Variants in PTPRD observed in about 807,000 individuals in gnomAD.
The protein encoded by PTPRD is protein tyrosine phosphatase receptor type D, also known as receptor-type tyrosine-protein phosphatase delta.
PTPRD carries 34 observed loss-of-function variants against 214.5 expected under a neutral mutation model. That is an observed-to-expected ratio of 0.16 (90% confidence interval 0.12 to 0.21). PTPRD has a LOEUF of 0.21. PTPRD is among the 10% of genes least tolerant of loss of function. The pLI, the probability that PTPRD is intolerant of heterozygous loss-of-function variation, is 1.00. For missense variants in PTPRD, 2,545 were observed against 2,398.7 expected, an observed-to-expected ratio of 1.06 and a Z score of -1.27; for synonymous variants, 1,128 against 845.7, an observed-to-expected ratio of 1.33 and a Z score of -5.79.
In PTPRD at chr9:9,390,471, C is replaced by T. The variant is rs962631099; in HGVS notation, c.-203+6978G>A. 5.3e-4 allele frequency among the ~76,000 whole-genome samples: 80 copies of T among 151,778 alleles called. 2 individuals are homozygous for T. The highest frequency in any genetic ancestry group is 1.5e-4 in the Non-Finnish European group (10 of 67,980). ...GATTCTGTCTTGCAGTTCTCCAGGC[C>T]CTCTGAACAGCTATCTAATGTCCTA... On this transcript the variant is annotated intron_variant, in intron 9 of 45. Coordinates refer to ENST00000381196, the MANE Select transcript of PTPRD (RefSeq NM_002839.4).
chr9:10,031,647 T>TATATATATATATATATATATACAC lies in PTPRD; in HGVS notation c.-472+2070_-472+2071insGTGTATATATATATATATATATAT. On this transcript the variant is annotated intron_variant, in intron 4 of 45. Transcript: ENST00000381196. ...CTCCATATATATATATATATATATA[T>TATATATATATATATATATATACAC]ACACACACACACACACACATACACA... Among the ~76,000 whole-genome samples the TATATATATATATATATATATACAC allele has an allele frequency of 2.5e-4, 22 of 89,644 alleles. 1 individual carries two copies. Among genetic ancestry groups the TATATATATATATATATATATACAC allele is most frequent in the African/African-American group, 1.7e-3 (21 of 12,366 alleles). The allele number at this position is 89,644 out of a possible 152,430, so 58.8% of individuals were successfully genotyped here.
chr9:10,014,021 G>GTTATTA (rs2096652301), intron 4 of PTPRD, among the ~76,000 whole-genome samples: 1 of 151,772 alleles, frequency 6.6e-6, no homozygotes, highest in African/African-American at 2.4e-5. Context: ...TATCTCCAAG[G>GTTATTA]TTATTAGAGT....
In PTPRD at chr9:10,569,799, G is replaced by A. The variant is rs973246080; in HGVS notation, c.-600+42599C>T. On this transcript the variant is annotated intron_variant, in intron 2 of 45. Coordinates refer to ENST00000381196, the MANE Select transcript of PTPRD (RefSeq NM_002839.4). ...ATTATATTTTGGTGTGCTTTACCTC[G>A]AGTAAATTAAAATAATGCATATAAC... 5.9e-5 allele frequency among the ~76,000 whole-genome samples: 9 copies of A among 151,940 alleles called. No individual in the cohort carries two copies. In the East Asian group the frequency reaches 1.6e-3, roughly 26 times the overall value.
At chr9:9,051,672 G>C (rs1202014388) in intron 10 of PTPRD, among the ~76,000 whole-genome samples, 3 of 152,104 alleles carry the variant, frequency 2.0e-5, no homozygotes, top group Non-Finnish European at 4.4e-5. Flanking sequence ...GTTAGGTTGT[G>C]ACATGGTCAT....
rs534679924 is a variant in PTPRD, at chr9:8,674,344, G to A, written c.65-37500C>T. Among the ~76,000 whole-genome samples the A allele has an allele frequency of 1.5e-3, 234 of 151,416 alleles. 2 individuals carry two copies. Among genetic ancestry groups the A allele is most frequent in the South Asian group, 0.013 (64 of 4,770 alleles). Reference sequence around the variant, plus strand: ...GTGGTGGCACACGCCTGTAGTCCCAGGCACTCAGGAGACTGAGGCAGGAGA... The same window carrying A: ...GTGGTGGCACACGCCTGTAGTCCCAAGCACTCAGGAGACTGAGGCAGGAGA... On this transcript the variant is annotated intron_variant, in intron 12 of 45. Transcript: ENST00000381196.
At chr9:10,051,475 G>A (rs921589711) in intron 3 of PTPRD, among the ~76,000 whole-genome samples, 1 of 151,394 alleles carries the variant, frequency 6.6e-6, no homozygotes, top group African/African-American at 2.4e-5. Flanking sequence ...TATACTTTAA[G>A]TTTTAGGGTT....
chr9:8,759,548 A>G (rs1255755619), intron 11 of PTPRD, among the ~76,000 whole-genome samples: 2 of 151,928 alleles, frequency 1.3e-5, no homozygotes, highest in African/African-American at 2.4e-5. Flanking sequence ...TTACACTGTC[A>G]ATCTTACTCT....
chr9:9,211,650 T>A (rs1408369285), intron 9 of PTPRD, among the ~76,000 whole-genome samples: 1 of 152,134 alleles, frequency 6.6e-6, no homozygotes, highest in Non-Finnish European at 1.5e-5. Context: ...AGAGCCTTAA[T>A]AATTAGATTC....
intron 11 of PTPRD, among the ~76,000 whole-genome samples, chr9:8,896,104 C>CA (rs1406254508): frequency 1.1e-4 from 17 of 152,236 alleles, no homozygotes; most frequent in African/African-American, 3.9e-4. Context: ...TGGGGCAAGA[C>CA]AAGGGAATAC....
intron 11 of PTPRD, among the ~76,000 whole-genome samples, chr9:8,852,614 G>T (rs760104362): frequency 2.6e-5 from 4 of 152,126 alleles, no homozygotes; most frequent in Non-Finnish European, 5.9e-5. Context: ...CTTGCCTGCT[G>T]GTATACATGA....
At chr9:9,435,031 T>C (rs2084675936) in intron 8 of PTPRD, among the ~76,000 whole-genome samples, 1 of 151,930 alleles carries the variant, frequency 6.6e-6, no homozygotes, top group Non-Finnish European at 1.5e-5. Flanking sequence ...AATCAAGTTA[T>C]GGAGTAAACT....
intron 3 of PTPRD, among the ~76,000 whole-genome samples, chr9:10,247,018 T>C (rs1177968878): frequency 1.3e-5 from 2 of 152,142 alleles, no homozygotes. Flanking sequence ...CTCACTAACT[T>C]TGTTTAAAAA....
chr9:10,372,863 T>C (rs1479421995), intron 2 of PTPRD, among the ~76,000 whole-genome samples: 1 of 150,352 alleles, frequency 6.7e-6, no homozygotes, highest in Non-Finnish European at 1.5e-5. Flanking sequence ...TTAATTATTA[T>C]TATTGAGATG....
In PTPRD at chr9:8,518,440, G is replaced by A. The variant is rs367969783; in HGVS notation, c.962-11C>T. On this transcript the variant is annotated splice_polypyrimidine_tract_variant and intron_variant, in intron 20 of 45. Coordinates refer to ENST00000381196, the MANE Select transcript of PTPRD (RefSeq NM_002839.4). ...GAGGTTTGGGTAAGGCTTGGATGGG[G>A]GAAGATAAAAGACAATGACTACCCA... The A allele has an allele frequency of 1.3e-6, 2 of 1,560,710 alleles. No individual in the cohort carries two copies. The highest frequency in any genetic ancestry group is 1.7e-6 in the Non-Finnish European group (2 of 1,155,038).
intron 5 of PTPRD, among the ~76,000 whole-genome samples, chr9:9,773,231 G>T (rs917396040): frequency 1.3e-5 from 2 of 152,020 alleles, no homozygotes; most frequent in African/African-American, 4.8e-5. Flanking sequence ...CAAATGAATA[G>T]TTTCTTTTTA....
intron 2 of PTPRD, among the ~76,000 whole-genome samples, chr9:10,508,926 T>A (rs2133657841): frequency 6.6e-6 from 1 of 152,226 alleles, no homozygotes; most frequent in East Asian, 1.9e-4. Context: ...ACATGTACCC[T>A]AGAACTTAGA....
chr9:9,930,343 T>C (rs1048967702), intron 5 of PTPRD, among the ~76,000 whole-genome samples: 1 of 152,194 alleles, frequency 6.6e-6, no homozygotes, highest in Admixed American at 6.5e-5. Flanking sequence ...AGGGCAAGAA[T>C]GGACCTGGAA....
intron 8 of PTPRD, among the ~76,000 whole-genome samples, chr9:9,550,310 A>T (rs890601067): frequency 2.6e-5 from 4 of 151,444 alleles, no homozygotes; most frequent in Admixed American, 2.0e-4. Flanking sequence ...GCAATCACAT[A>T]AACCAATTTC....
chr9:10,355,312 T>C (rs2097256560), intron 2 of PTPRD, among the ~76,000 whole-genome samples: 1 of 152,186 alleles, frequency 6.6e-6, no homozygotes, highest in African/African-American at 2.4e-5. Flanking sequence ...CAACTAAATT[T>C]GGGAACTACT....
Sources: gnomAD v4.1 joint callset for allele counts (sites outside exome capture counted in the v4.1 genomes callset) on GRCh38, gnomAD v4.1.1 for gene constraint, MANE v1.5 for transcripts, NCBI Gene and HGNC (gene_info 2026-07-23, HGNC 2026-07-21) for gene names.